Variants in GAS6 observed in about 807,000 individuals in gnomAD.
The protein encoded by GAS6 is growth arrest-specific protein 6.
A neutral mutation model predicts 75.8 loss-of-function variants in GAS6; 41 were observed. The ratio of observed to expected loss-of-function variants is 0.54; its 90% confidence interval spans 0.42 to 0.70. GAS6 has a LOEUF of 0.70. GAS6 is among the 30% of genes least tolerant of loss of function. The pLI, the probability that GAS6 is intolerant of heterozygous loss-of-function variation, is 0.00. For missense variants in GAS6, 854 were observed against 940.2 expected, an observed-to-expected ratio of 0.91 and a Z score of 1.20; for synonymous variants, 432 against 412.6, an observed-to-expected ratio of 1.05 and a Z score of -0.57.
intron 12 of GAS6, among the ~76,000 whole-genome samples, chr13:113,825,405 C>T (rs1487773417): frequency 6.6e-6 from 1 of 152,102 alleles, no homozygotes. Context: ...AAGCCTGAGC[C>T]CAGCAGAGTC....
intron 2 of GAS6, among the ~76,000 whole-genome samples, chr13:113,850,455 A>C (rs1208573892): frequency 2.0e-5 from 3 of 152,124 alleles, no homozygotes; most frequent in East Asian, 1.9e-4. Context: ...CAGGGGGAAG[A>C]AGCTGGGATT....
At chr13:113,851,024 T>C (rs929630135) in intron 2 of GAS6, among the ~76,000 whole-genome samples, 22 of 151,872 alleles carry the variant, frequency 1.4e-4, no homozygotes, top group African/African-American at 5.1e-4. Context: ...AATGAGTGAA[T>C]GGGAATGAAT....
At position 113,821,035 on chromosome 13, in the gene GAS6, GAAC is replaced by G. The variant is rs759579441; in HGVS notation, c.1883-20_1883-18del. 16 of 1,611,298 alleles carry G rather than the reference GAAC, an allele frequency of 9.9e-6. No individual in the cohort carries two copies. The highest frequency in any genetic ancestry group is 5.0e-5 in the Admixed American group (3 of 60,006). On this transcript the variant is annotated intron_variant, in intron 14 of 14. Transcript: ENST00000327773. ...CCGGCACATCTGGGCCGCAGGGAGA[GAAC>G]AACATATCTTAGCTCACCACGTGGC...
Position 113,839,746 on chromosome 13 carries a change from C to T in GAS6, c.448G>A (p.Gly150Ser), listed in dbSNP as rs764173918. Residue 150 changes from glycine to serine, a missense_variant, in exon 5 of 15, where the codon GGC becomes AGC. Gly to Ser is a moderately conservative substitution (Grantham distance 56). Coordinates refer to ENST00000327773, the MANE Select transcript of GAS6 (RefSeq NM_000820.4). ...FFCLCKAGWG[G>S]RLCDKDVNEC... Reference sequence around the variant, plus strand: ...CACGTACCTTTGTCGCAGAGCCGGCCCCCCCAGCCAGCTTTACACAGGCAG... The same window carrying T: ...CACGTACCTTTGTCGCAGAGCCGGCTCCCCCAGCCAGCTTTACACAGGCAG... The T allele has an allele frequency of 8.1e-6, 13 of 1,613,752 alleles. No individual in the cohort carries two copies. The Admixed American group carries it at 1.2e-4, about 14-fold the overall frequency.
Position 113,826,993 on chromosome 13 carries a change from T to C in GAS6, c.1477+3A>G, listed in dbSNP as rs374943248. 8 of 1,612,068 alleles carry C rather than the reference T, an allele frequency of 5.0e-6. No homozygotes were observed. In the African/African-American group the frequency reaches 1.1e-4, roughly 22 times the overall value. On this transcript the variant is annotated splice_donor_region_variant and intron_variant, in intron 12 of 14. Transcript: ENST00000327773. ...CACCCCAACGGTAAGAGCCAAGACT[T>C]ACTGTAGTCCAGGCTGTAGAAGGCG...
intron 12 of GAS6, among the ~76,000 whole-genome samples, chr13:113,825,817 C>CGG (rs201949264): frequency 1.4e-5 from 2 of 144,420 alleles, no homozygotes; most frequent in African/African-American, 5.7e-5. Flanking sequence ...TTTTGACACC[C>CGG]GGGGGGAGAC....
intron 4 of GAS6, among the ~76,000 whole-genome samples, chr13:113,846,220 C>T (rs1284406951): frequency 6.6e-6 from 1 of 152,248 alleles, no homozygotes; most frequent in Non-Finnish European, 1.5e-5. Context: ...CATGTCTAAG[C>T]ACAAGATTCT....
chr13:113,848,466 T>C lies in GAS6; in HGVS notation c.256-416A>G, dbSNP rs528244764. On this transcript the variant is annotated intron_variant, in intron 2 of 14. Coordinates refer to ENST00000327773, the MANE Select transcript of GAS6 (RefSeq NM_000820.4). The surrounding 1 kb of genome is among the most constrained non-coding windows in gnomAD (Gnocchi z 4.8). The stretch of plus-strand genomic sequence containing the variant: ...CACTTATAGTATTGGTGAAACAAAA[T>C]TGGTACTGGGTGAGGATGGAGGCTG... Among the ~76,000 whole-genome samples the C allele has an allele frequency of 7.2e-5, 11 of 152,260 alleles. No individual in the cohort carries two copies. In the South Asian group the frequency reaches 2.3e-3, roughly 32 times the overall value.
chr13:113,857,699 C>T (rs1294324357), intron 2 of GAS6, among the ~76,000 whole-genome samples: 2 of 152,254 alleles, frequency 1.3e-5, no homozygotes, highest in African/African-American at 2.4e-5. Flanking sequence ...TAAGCACTTG[C>T]TTCCTAAAAG....
chr13:113,848,846 A>AATCC lies in GAS6; in HGVS notation c.256-800_256-797dup, dbSNP rs1326929013. ...AAATAACACCCAGGAAGGTCTTTTT[A>AATCC]ATCCCATTATCAGGAATGAGGAAAC... On this transcript the variant is annotated intron_variant, in intron 2 of 14. Transcript: ENST00000327773. The surrounding 1 kb of genome is among the most constrained non-coding windows in gnomAD (Gnocchi z 4.8). Among the ~76,000 whole-genome samples the AATCC allele has an allele frequency of 4.6e-5, 7 of 152,208 alleles. No homozygotes were observed. Among genetic ancestry groups the AATCC allele is most frequent in the African/African-American group, 1.7e-4 (7 of 41,442 alleles).
In GAS6 at chr13:113,863,507, C is replaced by T. The variant is rs931871008; in HGVS notation, c.255+68G>A. The T allele has an allele frequency of 7.0e-7, 1 of 1,423,522 alleles. No homozygotes were observed. The highest frequency in any genetic ancestry group is 1.5e-5 in the African/African-American group (1 of 66,118). The allele number at this position is 1,423,522 out of a possible 1,614,324, so 88.2% of individuals were successfully genotyped here. A position where few individuals can be genotyped will look rare whatever the true frequency, so the allele number is the denominator to read the frequency against. On this transcript the variant is annotated intron_variant, in intron 2 of 14. Transcript: ENST00000327773. This position sits in a 1 kb window ranked among gnomAD's most constrained non-coding sequence, Gnocchi z 9.4. ...AGCTGGGGGGCGGCAGCAGCGCTGCCTCTCGGGAGCGGTTGGAGGCGCGCG... is the reference window on the plus strand; with the variant it reads ...AGCTGGGGGGCGGCAGCAGCGCTGCTTCTCGGGAGCGGTTGGAGGCGCGCG...
rs371632616 is a variant in GAS6 at position 113,828,588 on chromosome 13, C to T, written c.1267G>A (p.Val423Met). ...ERGLYHLNLT[V>M]GGIPFHEKDL... ...TTCTCATGGAAGGGAATACCTCCCA[C>T]GGTCAGGTTCAGATGATACAGTCCT... Residue 423 changes from valine (V) to methionine (M), a missense_variant, in exon 11 of 15, where the codon GTG (valine) becomes ATG (methionine). Val to Met is a conservative substitution (Grantham distance 21, BLOSUM62 1). Transcript: ENST00000327773. The T allele has an allele frequency of 6.0e-5, 96 of 1,613,442 alleles. No individual in the cohort carries two copies. Among genetic ancestry groups the T allele is most frequent in the East Asian group, 2.9e-4 (13 of 44,890 alleles).
At chr13:113,851,663 ATGAG>A (rs2138660076) in intron 2 of GAS6, among the ~76,000 whole-genome samples, 1 of 152,038 alleles carries the variant, frequency 6.6e-6, no homozygotes, top group Non-Finnish European at 1.5e-5. Flanking sequence ...AGTTGAATGA[ATGAG>A]TGGGTGGATG....
At chr13:113,821,225 A>G in intron 14 of GAS6, 1 of 597,392 alleles carries the variant, frequency 1.7e-6, no homozygotes, top group Non-Finnish European at 3.0e-6. Context: ...TGGGCTCTGC[A>G]GACGCCAGCC....
chr13:113,863,284 C>G lies in GAS6; in HGVS notation c.255+291G>C, dbSNP rs1490355406. On this transcript the variant is annotated intron_variant, in intron 2 of 14. Coordinates refer to ENST00000327773, the MANE Select transcript of GAS6 (RefSeq NM_000820.4). This position sits in a 1 kb window ranked among gnomAD's most constrained non-coding sequence, Gnocchi z 9.4. ...CGCGGGGAAGCGGTTTGGGTTTTAACCATTGTGTTTCTCTCGCACTTTGGA... is the reference window on the plus strand; with the variant it reads ...CGCGGGGAAGCGGTTTGGGTTTTAAGCATTGTGTTTCTCTCGCACTTTGGA... Among the ~76,000 whole-genome samples the G allele has an allele frequency of 1.3e-5, 2 of 152,164 alleles. No homozygotes were observed. Among genetic ancestry groups the G allele is most frequent in the Non-Finnish European group, 2.9e-5 (2 of 68,022 alleles).
intron 12 of GAS6, among the ~76,000 whole-genome samples, 194 bp from the exon 13 acceptor site, chr13:113,823,744 C>A (rs1343344441): frequency 6.6e-6 from 1 of 152,210 alleles, no homozygotes; most frequent in Non-Finnish European, 1.5e-5. Flanking sequence ...CCGGGGACCC[C>A]CAGGCTGTTT....
chr13:113,850,316 G>A (rs2051863460), intron 2 of GAS6, among the ~76,000 whole-genome samples: 1 of 152,098 alleles, frequency 6.6e-6, no homozygotes, highest in Admixed American at 6.6e-5. Flanking sequence ...TGGAGCAGAG[G>A]CCACCACTCA....
intron 12 of GAS6, among the ~76,000 whole-genome samples, chr13:113,826,278 G>A (rs79552930): frequency 0.16 from 23,713 of 152,124 alleles, 2,916 homozygotes; most frequent in African/African-American, 0.33. Context: ...CGGTGACCAC[G>A]GTGTCCACCA....
At position 113,820,652 on chromosome 13, in the gene GAS6, C is replaced by T. The variant is rs371129136; in HGVS notation, c.*212G>A. 171 of 570,346 alleles carry T rather than the reference C, an allele frequency of 3.0e-4. No homozygotes were observed. In the East Asian group the frequency reaches 3.1e-3, roughly 10 times the overall value. 35.3% of individuals were successfully genotyped at this position (570,346 alleles called of 1,614,324 possible). A position where few individuals can be genotyped will look rare whatever the true frequency, so the allele number is the denominator to read the frequency against. ...AATTATTTTCTTCGAGCCCGCTCTG[C>T]GCTGCGCCGGCCTCCCCGCGCCCGG... On this transcript the variant is annotated 3_prime_UTR_variant, in exon 15 of 15. Coordinates refer to ENST00000327773, the MANE Select transcript of GAS6 (RefSeq NM_000820.4).
Sources: gnomAD v4.1 joint callset for allele counts (sites outside exome capture counted in the v4.1 genomes callset) on GRCh38, gnomAD v4.1.1 for gene constraint, Gnocchi (gnomAD v3.1) non-coding constraint, MANE v1.5 for transcripts, NCBI Gene and HGNC (gene_info 2026-07-23, HGNC 2026-07-21) for gene names.